The following DOCK2 variants were observed in gnomAD, a reference collection of about 807,000 sequenced individuals.
The protein encoded by DOCK2 is dedicator of cytokinesis 2, also known as dedicator of cytokinesis protein 2.
A neutral mutation model predicts 248.9 loss-of-function variants in DOCK2; 87 were observed. The observed-to-expected ratio is 0.35, with a 90% CI of 0.29 to 0.42. DOCK2 has a LOEUF of 0.42. DOCK2 is among the 10% of genes least tolerant of loss of function. The probability of loss-of-function intolerance (pLI) is 1.00; values close to 1 mark genes in which losing one functional copy is unlikely to be tolerated. For synonymous variants in DOCK2, 805 were observed against 821.6 expected (o/e 0.98, Z 0.35); for missense variants, 1,747 against 2,300.2 (o/e 0.76, Z 4.92).
intron 22 of DOCK2, among the ~76,000 whole-genome samples, chr5:169,744,690 A>G (rs1581128917): frequency 6.6e-6 from 1 of 152,052 alleles, no homozygotes; most frequent in Admixed American, 6.5e-5. Context: ...GGAGCTCATG[A>G]CCCTTCCCCC....
intron 25 of DOCK2, among the ~76,000 whole-genome samples, chr5:169,783,615 G>A (rs1241458177): frequency 6.6e-6 from 1 of 151,956 alleles, no homozygotes; most frequent in Non-Finnish European, 1.5e-5. Flanking sequence ...TCAGTTTGAA[G>A]TTAGAGACAC....
At chr5:170,045,746 C>G (rs1030296058) in intron 38 of DOCK2, 70 bp from the exon 39 acceptor site, 4 of 1,441,980 alleles carry the variant, frequency 2.8e-6, no homozygotes, top group African/African-American at 2.8e-5. Flanking sequence ...ACGCCTGAGT[C>G]CCTTCCTCAG....
chr5:169,698,718 A>G (rs1760781718), intron 11 of DOCK2, among the ~76,000 whole-genome samples: 1 of 152,254 alleles, frequency 6.6e-6, no homozygotes, highest in African/African-American at 2.4e-5. Context: ...TGGAGGATGA[A>G]GTAGTGAACA....
intron 14 of DOCK2, 70 bp from the exon 15 acceptor site, chr5:169,708,099 C>A: frequency 6.5e-6 from 10 of 1,549,396 alleles, no homozygotes; most frequent in Non-Finnish European, 8.8e-6. Context: ...GGCCTAGGGA[C>A]CAAACCTGCA....
chr5:170,016,096 C>G (rs191626553), intron 32 of DOCK2, among the ~76,000 whole-genome samples: 2 of 152,186 alleles, frequency 1.3e-5, no homozygotes, highest in Non-Finnish European at 2.9e-5. Flanking sequence ...ACCCACACCC[C>G]CCTGAGCTCT....
chr5:169,815,807 AG>A (rs1370314027), intron 26 of DOCK2, among the ~76,000 whole-genome samples: 1 of 152,136 alleles, frequency 6.6e-6, no homozygotes, highest in African/African-American at 2.4e-5. Flanking sequence ...GGCTGCCTGC[AG>A]TAACAAAGCT....
intron 48 of DOCK2, among the ~76,000 whole-genome samples, chr5:170,078,736 C>T (rs1284113362): frequency 1.3e-5 from 2 of 152,256 alleles, no homozygotes; most frequent in East Asian, 1.9e-4. Flanking sequence ...CTATGGCTCA[C>T]TTCTTTCAAT....
At chr5:169,830,466 T>C (rs985359394) in intron 26 of DOCK2, among the ~76,000 whole-genome samples, 10 of 152,214 alleles carry the variant, frequency 6.6e-5, no homozygotes, top group African/African-American at 2.2e-4. Context: ...TCAACAAATT[T>C]AGTTTTGTTT....
At chr5:169,828,831 A>C (rs1289813901) in intron 26 of DOCK2, among the ~76,000 whole-genome samples, 1 of 152,190 alleles carries the variant, frequency 6.6e-6, no homozygotes, top group Admixed American at 6.5e-5. Context: ...CCGCTTAATA[A>C]AATCATGGCG....
chr5:169,954,731 T>C (rs1295982931), intron 27 of DOCK2, among the ~76,000 whole-genome samples: 1 of 152,204 alleles, frequency 6.6e-6, no homozygotes, highest in African/African-American at 2.4e-5. Flanking sequence ...TGTTTTTACA[T>C]GTTCCAAGAT....
At chr5:170,082,265 G>T (rs1383484892) in intron 51 of DOCK2, among the ~76,000 whole-genome samples, 1 of 152,062 alleles carries the variant, frequency 6.6e-6, no homozygotes, top group Non-Finnish European at 1.5e-5. Context: ...CGCCTAAACT[G>T]CCCCTTAGTG....
intron 1 of DOCK2, among the ~76,000 whole-genome samples, chr5:169,643,092 C>T (rs1272376037): frequency 6.6e-6 from 1 of 152,206 alleles, no homozygotes; most frequent in African/African-American, 2.4e-5. Flanking sequence ...CTTTAATAGG[C>T]ACTTTCTCCT....
chr5:169,890,917 G>C (rs1773244145), intron 27 of DOCK2, among the ~76,000 whole-genome samples: 1 of 152,078 alleles, frequency 6.6e-6, no homozygotes, highest in African/African-American at 2.4e-5. Flanking sequence ...CAGTAATCTT[G>C]ATAATATTTA....
At chr5:169,748,168 C>T (rs1581133600) in intron 23 of DOCK2, among the ~76,000 whole-genome samples, 1 of 148,154 alleles carries the variant, frequency 6.7e-6, no homozygotes, top group Non-Finnish European at 1.5e-5. Context: ...ATTGCTGCTG[C>T]TTTTTTTTTT....
Position 169,904,124 on chromosome 5 carries a change from G to C in DOCK2, c.2799+63272G>C, listed in dbSNP as rs569980120. ...AAAAAAAAAAAAAAGTTTAGGGGAG[G>C]AGAAGGTAAGACATTTTCTGGGGCT... is the stretch of plus-strand genomic sequence containing the variant. On this transcript the variant is annotated intron_variant, in intron 27 of 51. Coordinates refer to ENST00000520908, the MANE Select transcript of DOCK2 (RefSeq NM_004946.3). Among the ~76,000 whole-genome samples the C allele has an allele frequency of 1.4e-3, 215 of 151,614 alleles. 4 individuals are homozygous for C. The South Asian group carries it at 0.04, about 28-fold the overall frequency.
intron 27 of DOCK2, among the ~76,000 whole-genome samples, chr5:169,885,002 A>G (rs1772890351): frequency 6.6e-6 from 1 of 152,058 alleles, no homozygotes; most frequent in Non-Finnish European, 1.5e-5. Flanking sequence ...CTTGGAACAA[A>G]ATGCCTGTCT....
chr5:170,022,363 GC>G lies in DOCK2; in HGVS notation c.3381+3256del, dbSNP rs1755759060. 2.6e-5 allele frequency among the ~76,000 whole-genome samples: 4 copies of G among 152,322 alleles called. No homozygotes were observed. In the South Asian group the frequency reaches 8.3e-4, roughly 32 times the overall value. ...GGGCTGAACAAGAGGCAACCCCAGGGCAATCTCTTTCTCTGCTCTGGGTTTC... is the reference window on the plus strand; with the variant it reads ...GGGCTGAACAAGAGGCAACCCCAGGGAATCTCTTTCTCTGCTCTGGGTTTC... On this transcript the variant is annotated intron_variant, in intron 33 of 51. Transcript: ENST00000520908.
Position 169,695,870 on chromosome 5 carries a change from A to C in DOCK2, c.911A>C (p.Lys304Thr). The C allele has an allele frequency of 6.2e-7, 1 of 1,614,052 alleles. No homozygotes were observed. The highest frequency in any genetic ancestry group is 1.3e-5 in the African/African-American group (1 of 75,032). Residue 304 changes from lysine (K) to threonine (T), a missense_variant, in exon 10 of 52, where the codon AAG (lysine) becomes ACG (threonine). This residue lies in a region of DOCK2 where 375 missense variants were observed against 510.9 expected (regional missense o/e 0.73). Transcript: ENST00000520908. ...YLICQIVRVG[K>T]MDLKDTGAKK... ...ATTTGTCAAATAGTCCGGGTCGGCA[A>C]GATGGATCTTAAGGATACTGGTGCA...
chr5:169,903,183 G>A (rs1774042546), intron 27 of DOCK2, among the ~76,000 whole-genome samples: 1 of 151,916 alleles, frequency 6.6e-6, no homozygotes, highest in African/African-American at 2.4e-5. Context: ...AAGCTGAGGT[G>A]GGAGGATCTT....
Sources: gnomAD v4.1 joint callset for allele counts (sites outside exome capture counted in the v4.1 genomes callset) on GRCh38, gnomAD v4.1.1 for gene constraint, gnomAD v4.1.1 regional missense constraint, MANE v1.5 for transcripts, NCBI Gene and HGNC (gene_info 2026-07-23, HGNC 2026-07-21) for gene names.